Variants in NECTIN3 observed in about 807,000 individuals in gnomAD.
NECTIN3 encodes the protein nectin-3.
Under a neutral mutation model 49.4 loss-of-function variants are expected in NECTIN3, and 8 were observed. The ratio of observed to expected loss-of-function variants is 0.16; its 90% CI spans 0.10 to 0.29. The LOEUF (loss-of-function observed/expected upper bound fraction) is 0.29. NECTIN3 is among the 10% of genes least tolerant of loss of function. The probability of loss-of-function intolerance (pLI) is 1.00; values close to 1 mark genes in which losing one functional copy is unlikely to be tolerated. For synonymous variants in NECTIN3, 277 were observed against 241.1 expected (o/e 1.15, Z -1.38); for missense variants, 581 against 654.6 (o/e 0.89, Z 1.23).
intron 7 of NECTIN3, among the ~76,000 whole-genome samples, chr3:111,179,045 G>A (rs529025165): frequency 2.6e-5 from 4 of 152,294 alleles, no homozygotes; most frequent in South Asian, 4.1e-4. Flanking sequence ...ATATGGATAA[G>A]GCAGGTAGTA....
intron 4 of NECTIN3, among the ~76,000 whole-genome samples, chr3:111,125,686 C>T (rs945461214): frequency 1.3e-5 from 2 of 152,120 alleles, no homozygotes; most frequent in African/African-American, 4.8e-5. Context: ...GGATAGAGCA[C>T]AGTGTCTATT....
chr3:111,128,084 T>C (rs1367697268), intron 5 of NECTIN3, among the ~76,000 whole-genome samples: 2 of 152,158 alleles, frequency 1.3e-5, no homozygotes, highest in East Asian at 3.9e-4. Context: ...ACACCTGTAA[T>C]CCCAGCACTT....
chr3:111,120,149 A>G (rs1383240501), intron 3 of NECTIN3, among the ~76,000 whole-genome samples: 1 of 152,010 alleles, frequency 6.6e-6, no homozygotes, highest in Non-Finnish European at 1.5e-5. Context: ...TCTTTTTCTC[A>G]TAAAATTCAG....
chr3:111,076,371 A>T (rs1053568849), intron 1 of NECTIN3, among the ~76,000 whole-genome samples: 1 of 152,138 alleles, frequency 6.6e-6, no homozygotes, highest in Non-Finnish European at 1.5e-5. Flanking sequence ...AAATCTTCAT[A>T]AAAGTTGACA....
At chr3:111,116,864 T>G (rs2033709024) in intron 2 of NECTIN3, among the ~76,000 whole-genome samples, 2 of 152,064 alleles carry the variant, frequency 1.3e-5, no homozygotes, top group African/African-American at 4.8e-5. Flanking sequence ...GGTGACAATA[T>G]CAGCTGGTGA....
chr3:111,118,592 C>A, intron 2 of NECTIN3, 64 bp from the exon 3 acceptor site: 1 of 1,374,390 alleles, frequency 7.3e-7, no homozygotes, highest in Non-Finnish European at 9.7e-7. Context: ...TTAGATGTGA[C>A]TTGGAAAGAT....
At chr3:111,180,961 T>A (rs917749940) in intron 7 of NECTIN3, among the ~76,000 whole-genome samples, 4 of 152,138 alleles carry the variant, frequency 2.6e-5, no homozygotes, top group African/African-American at 9.7e-5. Flanking sequence ...CTTTATTGAG[T>A]TGGAGTTTAC....
chr3:111,087,056 A>G (rs552644210), intron 1 of NECTIN3, among the ~76,000 whole-genome samples: 3 of 152,204 alleles, frequency 2.0e-5, no homozygotes, highest in African/African-American at 7.2e-5. Context: ...GTGGCATGTA[A>G]AATGCAATCC....
chr3:111,074,222 T>C (rs1327329605), intron 1 of NECTIN3: 1 of 456,428 alleles, frequency 2.2e-6, no homozygotes, highest in Non-Finnish European at 4.4e-6. Flanking sequence ...TATGGAAGCT[T>C]AGTGGTATGG....
At chr3:111,130,760 G>A (rs1486533930) in intron 5 of NECTIN3, among the ~76,000 whole-genome samples, 2 of 151,982 alleles carry the variant, frequency 1.3e-5, no homozygotes, top group East Asian at 1.9e-4. Flanking sequence ...TTATTAAATT[G>A]TACTCTATTA....
chr3:111,096,198 C>T (rs967815056), intron 1 of NECTIN3, among the ~76,000 whole-genome samples: 5 of 152,158 alleles, frequency 3.3e-5, no homozygotes, highest in African/African-American at 7.2e-5. Flanking sequence ...GCAAAGGTGA[C>T]TCTTGTCATG....
At chr3:111,086,635 T>C (rs958003684) in intron 1 of NECTIN3, among the ~76,000 whole-genome samples, 2 of 152,222 alleles carry the variant, frequency 1.3e-5, no homozygotes, top group African/African-American at 4.8e-5. Flanking sequence ...AATGTCTCAT[T>C]AGAGCTTTAT....
chr3:111,135,715 A>T lies in NECTIN3; in HGVS notation c.*1500A>T. Reference sequence around the variant, plus strand: ...AAACCCTCCCAACCAGCCCTTTCTCAATATTCATCAAATCTAAAACATTTA... The same window carrying T: ...AAACCCTCCCAACCAGCCCTTTCTCTATATTCATCAAATCTAAAACATTTA... On this transcript the variant is annotated 3_prime_UTR_variant, in exon 6 of 6. Coordinates refer to ENST00000485303, the MANE Select transcript of NECTIN3 (RefSeq NM_015480.3). The T allele has an allele frequency of 1.0e-6, 1 of 957,814 alleles. No homozygotes were observed. The highest frequency in any genetic ancestry group is 1.2e-6 in the Non-Finnish European group (1 of 805,108). The allele number at this position is 957,814 out of a possible 1,614,324, so 59.3% of individuals were successfully genotyped here.
At chr3:111,146,326 T>C (rs894507549) in intron 6 of NECTIN3, among the ~76,000 whole-genome samples, 2 of 148,686 alleles carry the variant, frequency 1.3e-5, no homozygotes, top group East Asian at 2.0e-4. Context: ...CCCAGCTACT[T>C]GGGAGGCTGA....
rs2034614499 is a variant in NECTIN3 at position 111,137,317 on chromosome 3, A to G, written c.*3102A>G. 3.1e-6 allele frequency: 3 copies of G among 972,660 alleles called. No individual in the cohort carries two copies. The highest frequency in any genetic ancestry group is 4.8e-5 in the South Asian group (1 of 21,002). 60.3% of individuals were successfully genotyped at this position (972,660 alleles called of 1,614,324 possible). ...GTAGATTGAATTGTCTTTCCTGTTT[A>G]CTTGTTAATTAGAAAATGCATCCTT... On this transcript the variant is annotated 3_prime_UTR_variant, in exon 6 of 6. Coordinates refer to ENST00000485303, the MANE Select transcript of NECTIN3 (RefSeq NM_015480.3).
chr3:111,140,022 T>C (rs2034702296), downstream of NECTIN3, among the ~76,000 whole-genome samples: 1 of 151,872 alleles, frequency 6.6e-6, no homozygotes, highest in Non-Finnish European at 1.5e-5. Flanking sequence ...TATTTTCAAT[T>C]TTATACTTTC....
intron 5 of NECTIN3, among the ~76,000 whole-genome samples, chr3:111,144,535 T>C (rs1428789460): frequency 1.3e-5 from 2 of 151,914 alleles, no homozygotes; most frequent in Non-Finnish European, 2.9e-5. Context: ...TACTGGTCGT[T>C]TATATTAGAG....
At chr3:111,103,738 G>T (rs2033035918) in intron 1 of NECTIN3, among the ~76,000 whole-genome samples, 1 of 152,056 alleles carries the variant, frequency 6.6e-6, no homozygotes, top group African/African-American at 2.4e-5. Flanking sequence ...ATCTTAACTG[G>T]AAAGATTCTA....
chr3:111,111,000 T>G (rs997164042), intron 1 of NECTIN3, among the ~76,000 whole-genome samples: 2 of 152,142 alleles, frequency 1.3e-5, no homozygotes, highest in African/African-American at 4.8e-5. Flanking sequence ...CTGTATTCAT[T>G]TAAAAATATT....
Sources: gnomAD v4.1 joint callset for allele counts (sites outside exome capture counted in the v4.1 genomes callset) on GRCh38, gnomAD v4.1.1 for gene constraint, MANE v1.5 for transcripts, NCBI Gene and HGNC (gene_info 2026-07-23, HGNC 2026-07-21) for gene names.